GALNTL6: variants seen among roughly 807,000 people sequenced by gnomAD.
The protein encoded by GALNTL6 is polypeptide N-acetylgalactosaminyltransferase-like 6.
A neutral mutation model predicts 73.7 loss-of-function variants in GALNTL6; 46 were observed. The observed-to-expected ratio is 0.62, with a 90% CI of 0.49 to 0.80. The LOEUF is 0.80. Among genes scored for constraint, GALNTL6 ranks in the 30% least tolerant of loss-of-function variants. GALNTL6 has a pLI of 0.00. For synonymous variants in GALNTL6, 259 were observed against 263.7 expected (o/e 0.98, Z 0.17); for missense variants, 604 against 755.0 (o/e 0.80, Z 2.34).
chr4:172,568,868 C>A (rs957816774), intron 5 of GALNTL6, among the ~76,000 whole-genome samples: 3 of 151,112 alleles, frequency 2.0e-5, no homozygotes, highest in Non-Finnish European at 4.4e-5. Context: ...TGCAGCCTGA[C>A]ACAACTTCGT....
At chr4:172,799,032 G>T (rs1253501872) in intron 5 of GALNTL6, among the ~76,000 whole-genome samples, 1 of 152,168 alleles carries the variant, frequency 6.6e-6, no homozygotes, top group Non-Finnish European at 1.5e-5. Flanking sequence ...ATATTTAATA[G>T]ATACATTGGT....
chr4:172,326,910 A>G (rs2111173591), intron 4 of GALNTL6, among the ~76,000 whole-genome samples: 1 of 152,082 alleles, frequency 6.6e-6, no homozygotes, highest in Non-Finnish European at 1.5e-5. Flanking sequence ...AAACAATGTT[A>G]CCTGACTTTA....
chr4:172,604,789 G>A (rs1022754477), intron 5 of GALNTL6, among the ~76,000 whole-genome samples: 1 of 152,226 alleles, frequency 6.6e-6, no homozygotes, highest in East Asian at 1.9e-4. Context: ...AGCTTCAGTG[G>A]CCATGTGAAT....
rs191600712 is a variant in GALNTL6 at position 172,717,839 on chromosome 4, T to C, written c.554-91522T>C. On this transcript the variant is annotated intron_variant, in intron 5 of 12. Coordinates refer to ENST00000506823, the MANE Select transcript of GALNTL6 (RefSeq NM_001034845.3). ...GAAAAACAGAAAAACCCTACGAGAC[T>C]TTAAAGGATAAAGAAATCACAGCAA... 4.0e-3 allele frequency among the ~76,000 whole-genome samples: 605 copies of C among 152,294 alleles called. 3 individuals are homozygous for C. The highest frequency in any genetic ancestry group is 6.6e-3 in the Non-Finnish European group (447 of 68,018).
chr4:172,850,746 C>T (rs1051895651), intron 7 of GALNTL6, among the ~76,000 whole-genome samples: 5 of 152,152 alleles, frequency 3.3e-5, no homozygotes, highest in African/African-American at 1.2e-4. Context: ...TGAGAATTCC[C>T]ATGACCCCTT....
At chr4:172,437,329 C>A (rs941711347) in intron 5 of GALNTL6, among the ~76,000 whole-genome samples, 5 of 152,086 alleles carry the variant, frequency 3.3e-5, no homozygotes, top group Non-Finnish European at 5.9e-5. Flanking sequence ...TTAGCACTTT[C>A]TTTGCTCTGG....
chr4:172,898,435 A>G (rs983279305), intron 8 of GALNTL6, among the ~76,000 whole-genome samples: 1 of 151,434 alleles, frequency 6.6e-6, no homozygotes, highest in Non-Finnish European at 1.5e-5. Context: ...ACTCCAAACT[A>G]TCAAGATGGT....
chr4:171,850,015 G>C (rs561133904), intron 2 of GALNTL6, among the ~76,000 whole-genome samples: 1 of 152,210 alleles, frequency 6.6e-6, no homozygotes, highest in African/African-American at 2.4e-5. Context: ...GCCCAGGCTG[G>C]AGTGCAATGG....
At chr4:171,900,483 AT>A (rs10713519) in intron 2 of GALNTL6, among the ~76,000 whole-genome samples, 44,062 of 141,350 alleles carry the variant, frequency 0.31, 7,918 homozygotes, top group African/African-American at 0.52. Context: ...AATTTTTTGT[AT>A]TTTTTTTTTT....
intron 8 of GALNTL6, among the ~76,000 whole-genome samples, chr4:172,918,407 TA>T (rs1747639355): frequency 6.6e-6 from 1 of 151,902 alleles, no homozygotes; most frequent in Non-Finnish European, 1.5e-5. Context: ...TAAAATAAAA[TA>T]AAAAATAAAG....
chr4:172,525,681 G>T (rs1734926727), intron 5 of GALNTL6, among the ~76,000 whole-genome samples: 3 of 152,112 alleles, frequency 2.0e-5, no homozygotes, highest in Non-Finnish European at 4.4e-5. Context: ...TGGGCAAAAA[G>T]TGAGACCCTC....
chr4:172,161,204 A>G lies in GALNTL6; in HGVS notation c.139-68452A>G, dbSNP rs373022094. Reference sequence around the variant, plus strand: ...TGAAAACATAGAGCAGTGGTCTCTTATGTAACCACCATAGATATTCACTAA... The same window carrying G: ...TGAAAACATAGAGCAGTGGTCTCTTGTGTAACCACCATAGATATTCACTAA... On this transcript the variant is annotated intron_variant, in intron 2 of 12. Transcript: ENST00000506823. 2.6e-5 allele frequency among the ~76,000 whole-genome samples: 4 copies of G among 152,094 alleles called. No homozygotes were observed. The South Asian group carries it at 8.3e-4, about 32-fold the overall frequency.
At chr4:172,049,920 G>A (rs1299664745) in intron 2 of GALNTL6, among the ~76,000 whole-genome samples, 1 of 151,968 alleles carries the variant, frequency 6.6e-6, no homozygotes, top group Non-Finnish European at 1.5e-5. Context: ...GGAGGCAGAG[G>A]TTGCAGTGAG....
intron 2 of GALNTL6, among the ~76,000 whole-genome samples, chr4:172,118,970 CT>C (rs34157567): frequency 0.015 from 2,211 of 144,802 alleles, 49 homozygotes; most frequent in African/African-American, 0.05. Flanking sequence ...TAGATAAAGC[CT>C]TTTTTTTTTG....
intron 2 of GALNTL6, among the ~76,000 whole-genome samples, chr4:172,028,270 T>C (rs974845979): frequency 6.6e-6 from 1 of 151,592 alleles, no homozygotes; most frequent in African/African-American, 2.4e-5. Context: ...TGCAATTTAT[T>C]GTGGTAGTGC....
At chr4:172,287,560 T>G (rs958289182) in intron 3 of GALNTL6, among the ~76,000 whole-genome samples, 1 of 152,112 alleles carries the variant, frequency 6.6e-6, no homozygotes, top group Admixed American at 6.5e-5. Flanking sequence ...AACTACTACA[T>G]TAATAGAGGA....
chr4:172,731,523 AT>A (rs1198246629), intron 5 of GALNTL6, among the ~76,000 whole-genome samples: 2 of 151,680 alleles, frequency 1.3e-5, no homozygotes, highest in African/African-American at 4.8e-5. Flanking sequence ...GATCCTTTAC[AT>A]TTTTTAGTCT....
chr4:171,955,376 A>T (rs1047175101), intron 2 of GALNTL6, among the ~76,000 whole-genome samples: 3 of 18,968 alleles, frequency 1.6e-4, no homozygotes, highest in African/African-American at 2.1e-4. Flanking sequence ...ATATCTATCT[A>T]TCTATCTATA....
Position 173,022,949 on chromosome 4 carries a change from G to A in GALNTL6, c.1638+1324G>A, listed in dbSNP as rs528284343. 5.9e-5 allele frequency among the ~76,000 whole-genome samples: 9 copies of A among 152,248 alleles called. No individual in the cohort carries two copies. The South Asian group carries it at 1.7e-3, about 28-fold the overall frequency. On this transcript the variant is annotated intron_variant, in intron 12 of 12. Coordinates refer to ENST00000506823, the MANE Select transcript of GALNTL6 (RefSeq NM_001034845.3). The stretch of plus-strand genomic sequence containing the variant: ...CTGTCAATTAGCAATTACTCCATAA[G>A]CTCCATTCTGCCCTCTCAAATCCAT...
Sources: gnomAD v4.1 joint callset for allele counts (sites outside exome capture counted in the v4.1 genomes callset) on GRCh38, gnomAD v4.1.1 for gene constraint, MANE v1.5 for transcripts, NCBI Gene and HGNC (gene_info 2026-07-23, HGNC 2026-07-21) for gene names.